SCMH1: variants seen among roughly 807,000 people sequenced by gnomAD.
SCMH1 encodes the protein Scm polycomb group protein homolog 1.
In SCMH1, 37 loss-of-function variants were observed where a neutral mutation model predicts 70.8. The ratio of observed to expected loss-of-function variants is 0.52; its 90% CI spans 0.40 to 0.69. SCMH1 has a LOEUF of 0.69. Among genes scored for constraint, SCMH1 ranks in the 30% least tolerant of loss-of-function variants. The pLI is 0.00. For synonymous variants in SCMH1, 292 were observed against 307.4 expected (o/e 0.95, Z 0.52); for missense variants, 607 against 827.3 (o/e 0.73, Z 3.27).
At chr1:41,192,759 A>G (rs1284843976) in intron 1 of SCMH1, among the ~76,000 whole-genome samples, 4 of 152,134 alleles carry the variant, frequency 2.6e-5, no homozygotes, top group Non-Finnish European at 4.4e-5. Context: ...ACTGAATTGG[A>G]GTGGAGCTTT....
At chr1:41,131,813 C>T (rs1475113495) in intron 6 of SCMH1, among the ~76,000 whole-genome samples, 3 of 152,122 alleles carry the variant, frequency 2.0e-5, no homozygotes, top group Admixed American at 2.0e-4. Context: ...GGTTTTCTGT[C>T]CTTGTGATAG....
chr1:41,150,571 G>T (rs1486322222), intron 5 of SCMH1, among the ~76,000 whole-genome samples: 1 of 152,068 alleles, frequency 6.6e-6, no homozygotes, highest in African/African-American at 2.4e-5. Context: ...GTTTCAGGTG[G>T]AAGTATAAAT....
intron 8 of SCMH1, chr1:41,099,143 A>C (rs762940746): frequency 1.8e-4 from 40 of 225,962 alleles, no homozygotes; most frequent in Admixed American, 2.8e-4. Flanking sequence ...AAGTGAGTCC[A>C]GCTGGCTAAT....
chr1:41,240,747 T>C (rs1202797512), intron 1 of SCMH1, among the ~76,000 whole-genome samples: 2 of 81,780 alleles, frequency 2.4e-5, no homozygotes, highest in Non-Finnish European at 6.6e-5. Context: ...AAATGTTTTC[T>C]TTTTTTTTTT....
At chr1:41,096,643 T>C (rs777739950) in intron 8 of SCMH1, among the ~76,000 whole-genome samples, 2 of 152,128 alleles carry the variant, frequency 1.3e-5, no homozygotes, top group Non-Finnish European at 2.9e-5. Context: ...TACGGCAAAA[T>C]GATACTCTTG....
intron 1 of SCMH1, among the ~76,000 whole-genome samples, chr1:41,227,785 T>C (rs967951507): frequency 1.3e-5 from 2 of 152,160 alleles, no homozygotes; most frequent in Non-Finnish European, 2.9e-5. Context: ...AAGACCAGTC[T>C]GGCCAACATA....
chr1:41,075,301 A>G (rs779848920), exon 9 of SCMH1: 1 of 1,614,136 alleles, frequency 6.2e-7, no homozygotes, highest in Non-Finnish European at 8.5e-7. Flanking sequence ...GGGATGGGAA[A>G]TTAGGGTCTT....
At chr1:41,110,342 C>T (rs1668969404) in intron 8 of SCMH1, among the ~76,000 whole-genome samples, 3 of 152,164 alleles carry the variant, frequency 2.0e-5, no homozygotes, top group African/African-American at 7.2e-5. Flanking sequence ...ACCACAAATT[C>T]ACCCTACATT....
intron 2 of SCMH1, among the ~76,000 whole-genome samples, chr1:41,172,381 G>GGTGAAA (rs1448737196): frequency 2.2e-4 from 34 of 151,812 alleles, no homozygotes. Flanking sequence ...TATCCAAGGA[G>GGTGAAA]GTGAAAGATC....
chr1:41,106,367 A>T (rs1667921293), intron 8 of SCMH1, among the ~76,000 whole-genome samples: 1 of 151,630 alleles, frequency 6.6e-6, no homozygotes, highest in Admixed American at 6.6e-5. Flanking sequence ...CCCTCCCCAC[A>T]CTGCCATCTG....
chr1:41,183,744 T>C (rs1298021660), intron 2 of SCMH1, among the ~76,000 whole-genome samples: 1 of 152,178 alleles, frequency 6.6e-6, no homozygotes, highest in Non-Finnish European at 1.5e-5. Context: ...TCAATGCACA[T>C]TCATCAAAAC....
intron 8 of SCMH1, among the ~76,000 whole-genome samples, chr1:41,086,881 A>C (rs1010135863): frequency 3.5e-4 from 37 of 104,314 alleles, no homozygotes; most frequent in African/African-American, 6.5e-4. Flanking sequence ...AAAAAACAAA[A>C]CAAAACCAAA....
At chr1:41,115,783 C>T (rs994834460) in intron 7 of SCMH1, among the ~76,000 whole-genome samples, 1 of 152,118 alleles carries the variant, frequency 6.6e-6, no homozygotes, top group Non-Finnish European at 1.5e-5. Context: ...CTTTCATATT[C>T]TTTTATTTTC....
At chr1:41,209,225 T>C (rs1656398855) in intron 1 of SCMH1, among the ~76,000 whole-genome samples, 1 of 152,140 alleles carries the variant, frequency 6.6e-6, no homozygotes, top group Non-Finnish European at 1.5e-5. Flanking sequence ...CAATAATTAA[T>C]AGCCTACCAA....
intron 4 of SCMH1, among the ~76,000 whole-genome samples, chr1:41,156,659 G>A (rs911581760): frequency 3.9e-5 from 6 of 152,106 alleles, no homozygotes; most frequent in Non-Finnish European, 5.9e-5. Context: ...GGCTGTTCTC[G>A]AACTCCTGAG....
At chr1:41,105,620 AAAAT>A (rs1557459507) in intron 8 of SCMH1, among the ~76,000 whole-genome samples, 1 of 152,198 alleles carries the variant, frequency 6.6e-6, no homozygotes, top group African/African-American at 2.4e-5. Flanking sequence ...TTAAATAAAT[AAAAT>A]AGTCACAATA....
At chr1:41,080,773 C>T (rs1370410664) in intron 8 of SCMH1, among the ~76,000 whole-genome samples, 1 of 152,054 alleles carries the variant, frequency 6.6e-6, no homozygotes, top group African/African-American at 2.4e-5. Context: ...TTTCCTTAGT[C>T]TAGATAAACG....
intron 8 of SCMH1, among the ~76,000 whole-genome samples, chr1:41,077,082 T>A (rs755378217): frequency 6.6e-6 from 1 of 152,120 alleles, no homozygotes; most frequent in Non-Finnish European, 1.5e-5. Flanking sequence ...GGTAGTACAA[T>A]GTTAACGATG....
intron 5 of SCMH1, among the ~76,000 whole-genome samples, chr1:41,149,913 G>A (rs1020313095): frequency 1.3e-5 from 2 of 152,130 alleles, no homozygotes; most frequent in African/African-American, 4.8e-5. Context: ...TTATAAAATG[G>A]TAGTCTTTTC....
Sources: allele counts gnomAD v4.1 joint callset (sites outside exome capture counted in the v4.1 genomes callset), GRCh38; gene constraint gnomAD v4.1.1; transcripts MANE v1.5; gene names NCBI Gene and HGNC (gene_info 2026-07-23, HGNC 2026-07-21).